Variants in RGS3 observed in about 807,000 individuals in gnomAD.
RGS3 encodes the protein regulator of G-protein signalling 3.
RGS3 carries 80 observed loss-of-function variants against 132.6 expected under a neutral mutation model. That is an observed-to-expected ratio of 0.60 (90% confidence interval 0.50 to 0.73). The LOEUF is 0.73. Ranked by LOEUF, RGS3 falls within the 30% of genes least tolerant of loss-of-function variation. The pLI is 0.00. For missense variants in RGS3, 1,382 were observed against 1,530.8 expected (o/e 0.90, Z 1.62); for synonymous variants, 598 against 620.6 (o/e 0.96, Z 0.54).
chr9:113,569,948 G>A lies in RGS3; in HGVS notation c.2038-13502G>A, dbSNP rs569941256. Among the ~76,000 whole-genome samples, 5 of 152,160 alleles carry A rather than the reference G, an allele frequency of 3.3e-5. No homozygotes were observed. In the South Asian group the frequency reaches 8.3e-4, roughly 25 times the overall value. ...TCCATCCCAGTCTATCCACCCCTCAGAGGTGTAGACATGTTTCCCGCCTAT... is the reference window on the plus strand; with the variant it reads ...TCCATCCCAGTCTATCCACCCCTCAAAGGTGTAGACATGTTTCCCGCCTAT... On this transcript the variant is annotated intron_variant, in intron 19 of 24. Transcript: ENST00000350696.
chr9:113,514,894 C>T (rs989842606), intron 15 of RGS3, among the ~76,000 whole-genome samples: 1 of 152,178 alleles, frequency 6.6e-6, no homozygotes, highest in Non-Finnish European at 1.5e-5. Context: ...TCCTCTCCTT[C>T]CCCCACCTCG....
rs922272901 is a variant in RGS3, at chr9:113,503,079, A to T, written c.898-2363A>T. ...GAACAGAAACTAGACAGGAGAGCAGAGGTAAGGGGCTGGCATGGGTGAGAC... is the reference window on the plus strand; with the variant it reads ...GAACAGAAACTAGACAGGAGAGCAGTGGTAAGGGGCTGGCATGGGTGAGAC... On this transcript the variant is annotated intron_variant, in intron 10 of 24. Transcript: ENST00000350696. Among the ~76,000 whole-genome samples, 13 of 152,268 alleles carry T rather than the reference A, an allele frequency of 8.5e-5. No homozygotes were observed. In the South Asian group the frequency reaches 2.1e-3, roughly 24 times the overall value.
Position 113,501,328 on chromosome 9 carries a change from A to G in RGS3, c.897+3248A>G, listed in dbSNP as rs540186867. 10 of 1,113,430 alleles carry G rather than the reference A, an allele frequency of 9.0e-6. No individual in the cohort carries two copies. In the Admixed American group the frequency reaches 2.7e-4, roughly 30 times the overall value. 69.0% of individuals were successfully genotyped at this position (1,113,430 alleles called of 1,614,324 possible). The stretch of plus-strand genomic sequence containing the variant: ...GGGCCCGGGGAATACTAACTAGTTG[A>G]CAGGAATTTTAATATAAAACTCTCC... On this transcript the variant is annotated intron_variant, in intron 10 of 24. Transcript: ENST00000350696.
rs148367322 is a variant in RGS3 at position 113,469,198 on chromosome 9, C to G, written c.415+6997C>G. On this transcript the variant is annotated intron_variant, in intron 3 of 24. Transcript: ENST00000350696. The stretch of plus-strand genomic sequence containing the variant: ...GTGAAGCTTGGGAACAGATGTCAGC[C>G]AGCTGCGTGGTGTGTTGGGCAGTGC... Among the ~76,000 whole-genome samples, 653 of 152,154 alleles carry G rather than the reference C, an allele frequency of 4.3e-3. 4 individuals carry two copies. The highest frequency in any genetic ancestry group is 0.012 in the South Asian group (57 of 4,824).
intron 7 of RGS3, 70 bp downstream of exon 5, chr9:113,485,763 T>C: frequency 2.6e-6 from 3 of 1,154,490 alleles, no homozygotes; most frequent in Non-Finnish European, 3.8e-6. Flanking sequence ...GTGGCCAGCA[T>C]ACACCAGGGG....
intron 19 of RGS3, chr9:113,581,675 A>G (rs565788781): frequency 6.6e-6 from 1 of 152,244 alleles, no homozygotes; most frequent in Non-Finnish European, 1.5e-5. Flanking sequence ...GACTGGCTCT[A>G]CCTGACACCT....
At chr9:113,475,493 C>T (rs1588142376) in intron 3 of RGS3, among the ~76,000 whole-genome samples, 1 of 152,162 alleles carries the variant, frequency 6.6e-6, no homozygotes, top group African/African-American at 2.4e-5. Flanking sequence ...ACAACTTCAA[C>T]CTCTTGGGCT....
chr9:113,585,729 A>G (rs1835085866), intron 20 of RGS3, among the ~76,000 whole-genome samples: 1 of 152,206 alleles, frequency 6.6e-6, no homozygotes, highest in Non-Finnish European at 1.5e-5. Context: ...CCTCCAACCC[A>G]TGGCAGACAT....
chr9:113,460,932 A>G (rs1197717218), intron 1 of RGS3, among the ~76,000 whole-genome samples: 1 of 152,190 alleles, frequency 6.6e-6, no homozygotes, highest in Non-Finnish European at 1.5e-5. Flanking sequence ...ATACTTTATT[A>G]AGTGCTTCAA....
At chr9:113,480,437 C>T (rs1172334514) in intron 4 of RGS3, among the ~76,000 whole-genome samples, 6 of 137,836 alleles carry the variant, frequency 4.4e-5, no homozygotes, top group East Asian at 2.1e-4. Context: ...CCAGCCCAGG[C>T]GACAGTACGA....
intron 7 of RGS3, among the ~76,000 whole-genome samples, chr9:113,486,191 G>C (rs931476155): frequency 6.6e-6 from 1 of 152,202 alleles, no homozygotes; most frequent in Non-Finnish European, 1.5e-5. Flanking sequence ...CCATCAGTAT[G>C]GGAAGAGGGA....
chr9:113,497,202 G>C (rs1455076609), intron 8 of RGS3, 112 bp from the exon 7 acceptor site: 2 of 776,148 alleles, frequency 2.6e-6, no homozygotes, highest in African/African-American at 3.4e-5. Flanking sequence ...TGGAGAGTCT[G>C]TCTCTCCTGT....
At chr9:113,472,230 G>C (rs1432142238) in intron 3 of RGS3, among the ~76,000 whole-genome samples, 1 of 152,128 alleles carries the variant, frequency 6.6e-6, no homozygotes, top group Non-Finnish European at 1.5e-5. Flanking sequence ...ATTAAATGTA[G>C]AGTTTCCATT....
chr9:113,594,073 C>T (rs1447566836), intron 21 of RGS3: 3 of 1,613,084 alleles, frequency 1.9e-6, no homozygotes, highest in Non-Finnish European at 2.5e-6. Context: ...CCTGGTCCCT[C>T]CCATTTCCTG....
intron 3 of RGS3, among the ~76,000 whole-genome samples, chr9:113,478,509 C>G (rs970233133): frequency 1.1e-4 from 17 of 152,088 alleles, no homozygotes; most frequent in Admixed American, 3.3e-4. Flanking sequence ...TTTGCTTGTT[C>G]CTTTAAAAAC....
chr9:113,507,298 G>A lies in RGS3; in HGVS notation c.1097G>A (p.Ser366Asn), dbSNP rs888935739. Residue 366 changes from serine (S) to asparagine (N), a missense_variant, in exon 13 of 25, where the codon AGT becomes AAT. Ser to Asn is a conservative substitution (Grantham distance 46). Coordinates refer to ENST00000350696, the Ensembl canonical transcript of RGS3. This position sits in a 1 kb window ranked among gnomAD's most constrained non-coding sequence, Gnocchi z 5.0. Reference sequence around the variant, plus strand: ...CCCCCACCTTCCAGGAGCTGCCCCAGTGAGATCATCCTACTCGTGTGGCGC... The same window carrying A: ...CCCCCACCTTCCAGGAGCTGCCCCAATGAGATCATCCTACTCGTGTGGCGC... 1 of 1,611,198 alleles carries A rather than the reference G, an allele frequency of 6.2e-7. No homozygotes were observed. The highest frequency in any genetic ancestry group is 8.5e-7 in the Non-Finnish European group (1 of 1,178,530).
intron 18 of RGS3, among the ~76,000 whole-genome samples, chr9:113,534,606 A>G (rs1832604975): frequency 7.4e-6 from 1 of 135,762 alleles, no homozygotes; most frequent in African/African-American, 2.7e-5. Flanking sequence ...TGTAGTACAG[A>G]TGAATTTTTT....
intron 3 of RGS3, among the ~76,000 whole-genome samples, chr9:113,477,153 C>T (rs777949796): frequency 2.6e-5 from 4 of 152,154 alleles, no homozygotes; most frequent in Admixed American, 6.5e-5. Flanking sequence ...GTTCTCCCGG[C>T]GCCTTTCATC....
chr9:113,458,737 C>G (rs551190298), upstream of RGS3, among the ~76,000 whole-genome samples: 4 of 152,196 alleles, frequency 2.6e-5, no homozygotes, highest in South Asian at 6.2e-4. Context: ...TAGATCTGCT[C>G]TATTGTATAT....
Sources: allele counts gnomAD v4.1 joint callset (sites outside exome capture counted in the v4.1 genomes callset), GRCh38; gene constraint gnomAD v4.1.1; non-coding constraint Gnocchi (gnomAD v3.1); transcripts MANE v1.5; gene names NCBI Gene and HGNC (gene_info 2026-07-23, HGNC 2026-07-21).